The following ERC2 variants were observed in gnomAD, a reference collection of about 807,000 sequenced individuals.
ERC2 encodes the protein ERC protein 2.
Under a neutral mutation model 114.8 loss-of-function variants are expected in ERC2, and 42 were observed. The ratio of observed to expected loss-of-function variants is 0.37; its 90% CI spans 0.29 to 0.47. The LOEUF (loss-of-function observed/expected upper bound fraction) is 0.47, where lower values mean the gene tolerates loss of function less well. Ranked by LOEUF, ERC2 falls within the 20% of genes least tolerant of loss-of-function variation. The pLI is 0.99. For synonymous variants in ERC2, 454 were observed against 425.5 expected (o/e 1.07, Z -0.82); for missense variants, 939 against 1,150.7 (o/e 0.82, Z 2.66).
intron 8 of ERC2, among the ~76,000 whole-genome samples, chr3:56,016,418 T>G (rs985816305): frequency 9.3e-6 from 1 of 107,044 alleles, no homozygotes; most frequent in Non-Finnish European, 2.2e-5. Context: ...TGTAGCTTCC[T>G]TTTTTTTTCT....
intron 2 of ERC2, among the ~76,000 whole-genome samples, chr3:56,412,398 G>A (rs1156683530): frequency 1.3e-5 from 2 of 152,208 alleles, no homozygotes; most frequent in African/African-American, 4.8e-5. Flanking sequence ...AATATAATGA[G>A]TCATGGATCA....
chr3:55,721,147 G>T (rs2064525044), intron 15 of ERC2, among the ~76,000 whole-genome samples: 1 of 152,202 alleles, frequency 6.6e-6, no homozygotes, highest in Admixed American at 6.5e-5. Flanking sequence ...AAGCAAATGG[G>T]CAGAGTGCTG....
intron 13 of ERC2, among the ~76,000 whole-genome samples, chr3:55,926,782 T>C (rs1366631296): frequency 6.6e-6 from 1 of 152,144 alleles, no homozygotes; most frequent in Non-Finnish European, 1.5e-5. Flanking sequence ...AAGTTTTTCA[T>C]TAATTTCCTA....
chr3:55,816,943 G>A (rs9854247), intron 14 of ERC2, among the ~76,000 whole-genome samples: 40,699 of 151,964 alleles, frequency 0.27, 6,558 homozygotes, highest in African/African-American at 0.44. Flanking sequence ...AGAAAGTGAC[G>A]AGTGAGCTAC....
At chr3:56,048,262 A>G (rs1330002711) in intron 7 of ERC2, among the ~76,000 whole-genome samples, 1 of 152,212 alleles carries the variant, frequency 6.6e-6, no homozygotes, top group Non-Finnish European at 1.5e-5. Flanking sequence ...AAGATCTCCC[A>G]GTGCCAGGCA....
intron 7 of ERC2, among the ~76,000 whole-genome samples, chr3:56,021,172 G>C (rs1205322386): frequency 6.6e-6 from 1 of 152,158 alleles, no homozygotes; most frequent in Non-Finnish European, 1.5e-5. Flanking sequence ...GTACAGAACA[G>C]TGTGTAGCAT....
At position 56,018,929 on chromosome 3, in the gene ERC2, C is replaced by T. The variant is rs1334430958; in HGVS notation, c.1744G>A (p.Ala582Thr). The T allele has an allele frequency of 6.2e-7, 1 of 1,613,220 alleles. No individual in the cohort carries two copies. The highest frequency in any genetic ancestry group is 8.5e-7 in the Non-Finnish European group (1 of 1,179,488). Residue 582 changes from alanine to threonine, a missense_variant, in exon 8 of 18, where the codon GCA becomes ACA. Physicochemically the swap from Ala to Thr is moderately conservative, Grantham distance 58. Around this residue, in one of 5 missense-constraint regions of ERC2, gnomAD observed 149 missense variants for 254.6 expected, o/e 0.59. Transcript: ENST00000288221. ...LQTDSSNTDTALATLEEALSE... is the reference protein window; with the variant it reads ...LQTDSSNTDTTLATLEEALSE... ...AGAGCTTCCTCTAGCGTCGCCAGTGCAGTATCTGTATTACTGGAATCCGTC... is the reference window on the plus strand; with the variant it reads ...AGAGCTTCCTCTAGCGTCGCCAGTGTAGTATCTGTATTACTGGAATCCGTC...
At chr3:55,914,022 T>TAA in intron 13 of ERC2, among the ~76,000 whole-genome samples, 1 of 150,546 alleles carries the variant, frequency 6.6e-6, no homozygotes, top group Non-Finnish European at 1.5e-5. Context: ...TATGACAATT[T>TAA]TTTTTTTTTT....
chr3:55,940,921 C>A (rs924357553), intron 13 of ERC2, among the ~76,000 whole-genome samples: 18 of 152,054 alleles, frequency 1.2e-4, no homozygotes, highest in African/African-American at 4.1e-4. Context: ...TTACTGTGCC[C>A]AATAAAAGGC....
chr3:55,667,426 C>T (rs1247023802), intron 17 of ERC2, among the ~76,000 whole-genome samples: 2 of 152,168 alleles, frequency 1.3e-5, no homozygotes, highest in African/African-American at 2.4e-5. Context: ...AGAGAGTGAT[C>T]GCCTAAATTA....
chr3:55,952,178 C>CTATATATATATATATATAT (rs1302030120), intron 12 of ERC2, among the ~76,000 whole-genome samples: 3 of 41,782 alleles, frequency 7.2e-5, no homozygotes, highest in Admixed American at 2.8e-4. Flanking sequence ...CACACACACA[C>CTATATATATATATATATAT]ACTCTCTCTC....
chr3:56,398,771 C>A (rs1338065482), intron 2 of ERC2, among the ~76,000 whole-genome samples: 1 of 152,072 alleles, frequency 6.6e-6, no homozygotes, highest in African/African-American at 2.4e-5. Context: ...CAGGCATATA[C>A]CACCACACTC....
intron 17 of ERC2, among the ~76,000 whole-genome samples, chr3:55,520,807 T>C (rs574149957): frequency 6.6e-6 from 1 of 152,266 alleles, no homozygotes; most frequent in Middle Eastern, 3.4e-3. Context: ...AAAACACTGT[T>C]AAAAAGCCCT....
intron 12 of ERC2, among the ~76,000 whole-genome samples, chr3:55,971,156 G>A (rs1301031048): frequency 6.6e-6 from 1 of 152,106 alleles, no homozygotes; most frequent in Non-Finnish European, 1.5e-5. Flanking sequence ...ATTAGTCGTT[G>A]CCAGGGGCTG....
At chr3:56,327,703 A>G (rs2057427764) in intron 2 of ERC2, among the ~76,000 whole-genome samples, 1 of 152,134 alleles carries the variant, frequency 6.6e-6, no homozygotes, top group Non-Finnish European at 1.5e-5. Context: ...ATATCACACC[A>G]TAAGCACCCA....
intron 7 of ERC2, among the ~76,000 whole-genome samples, chr3:56,023,447 A>G (rs146829958): frequency 7.0e-4 from 107 of 151,922 alleles, no homozygotes; most frequent in Middle Eastern, 6.8e-3. Context: ...TATCTTCCCT[A>G]TCTTTGCCTA....
At chr3:56,074,871 A>T (rs2149740405) in intron 7 of ERC2, among the ~76,000 whole-genome samples, 1 of 152,292 alleles carries the variant, frequency 6.6e-6, no homozygotes, top group African/African-American at 2.4e-5. Flanking sequence ...TGAGAAGTAG[A>T]TCTCAAAGCA....
At chr3:56,442,283 C>T (rs1185146893) in intron 1 of ERC2, among the ~76,000 whole-genome samples, 1 of 152,096 alleles carries the variant, frequency 6.6e-6, no homozygotes, top group Non-Finnish European at 1.5e-5. Context: ...TGCAGTGGAG[C>T]GAACTCGCCT....
chr3:56,052,150 T>A (rs1420596477), intron 7 of ERC2, among the ~76,000 whole-genome samples: 1 of 152,116 alleles, frequency 6.6e-6, no homozygotes, highest in Non-Finnish European at 1.5e-5. Flanking sequence ...CCAACCAAGT[T>A]CAGAGGAAGC....
Sources: allele counts gnomAD v4.1 joint callset (sites outside exome capture counted in the v4.1 genomes callset), GRCh38; gene constraint gnomAD v4.1.1; regional missense constraint gnomAD v4.1.1; transcripts MANE v1.5; gene names NCBI Gene and HGNC (gene_info 2026-07-23, HGNC 2026-07-21).